Variants in CSMD3 observed in about 807,000 individuals in gnomAD.
CSMD3 encodes the protein CUB and sushi domain-containing protein 3.
CSMD3 carries 177 observed loss-of-function variants against 435.2 expected under a neutral mutation model. The observed-to-expected ratio is 0.41, with a 90% confidence interval of 0.36 to 0.46. The LOEUF (loss-of-function observed/expected upper bound fraction) is 0.46. Among genes scored for constraint, CSMD3 ranks in the 20% least tolerant of loss-of-function variants. CSMD3 has a pLI of 0.34. For synonymous variants in CSMD3, 1,656 were observed against 1,520.5 expected (o/e 1.09, Z -2.07); for missense variants, 4,265 against 4,504.6 (o/e 0.95, Z 1.52).
At chr8:113,140,155 C>T (rs368447087) in intron 4 of CSMD3, among the ~76,000 whole-genome samples, 216 of 150,526 alleles carry the variant, frequency 1.4e-3, no homozygotes, top group African/African-American at 5.1e-3. Flanking sequence ...GACGCAGAAA[C>T]GGACATTATA....
chr8:112,631,424 G>A (rs949473823), intron 22 of CSMD3, among the ~76,000 whole-genome samples: 5 of 151,916 alleles, frequency 3.3e-5, no homozygotes, highest in East Asian at 3.8e-4. Context: ...ATAAAAAAAC[G>A]ATAGTCTTCT....
At chr8:112,834,010 A>T (rs1339996425) in intron 11 of CSMD3, among the ~76,000 whole-genome samples, 1 of 151,982 alleles carries the variant, frequency 6.6e-6, no homozygotes, top group Non-Finnish European at 1.5e-5. Context: ...ATTGATTGCT[A>T]GTTCTATGCC....
chr8:112,881,856 G>C (rs1424311293), intron 10 of CSMD3, among the ~76,000 whole-genome samples: 1 of 151,900 alleles, frequency 6.6e-6, no homozygotes, highest in African/African-American at 2.4e-5. Context: ...CCTAGGATAT[G>C]AGAAACACTT....
intron 32 of CSMD3, among the ~76,000 whole-genome samples, chr8:112,458,502 C>T (rs1817093618): frequency 6.6e-6 from 1 of 152,060 alleles, no homozygotes; most frequent in Admixed American, 6.6e-5. Flanking sequence ...TAGTACATCA[C>T]ACTACTTCCT....
intron 3 of CSMD3, among the ~76,000 whole-genome samples, chr8:113,255,846 A>T (rs2093375600): frequency 6.6e-6 from 1 of 151,890 alleles, no homozygotes; most frequent in Non-Finnish European, 1.5e-5. Flanking sequence ...ATTAGTTTAT[A>T]AATTAACAGT....
In CSMD3 at chr8:113,371,297, A is replaced by G. The variant is rs1002488101; in HGVS notation, c.179-56504T>C. Reference sequence around the variant, plus strand: ...CATTTATAAGGTAGCTACTTAATAAACTTTAAGTGGAATATTGGGAATATC... The same window carrying G: ...CATTTATAAGGTAGCTACTTAATAAGCTTTAAGTGGAATATTGGGAATATC... On this transcript the variant is annotated intron_variant, in intron 1 of 70. Coordinates refer to ENST00000297405, the MANE Select transcript of CSMD3 (RefSeq NM_198123.2). Among the ~76,000 whole-genome samples the G allele has an allele frequency of 1.1e-4, 17 of 152,084 alleles. No homozygotes were observed. The East Asian group carries it at 3.3e-3, about 29-fold the overall frequency.
chr8:113,075,795 T>G (rs1466950069), intron 5 of CSMD3, among the ~76,000 whole-genome samples: 1 of 151,550 alleles, frequency 6.6e-6, no homozygotes, highest in Non-Finnish European at 1.5e-5. Flanking sequence ...AAATAATAGA[T>G]GAAAAAAAAT....
chr8:113,339,927 G>A lies in CSMD3; in HGVS notation c.179-25134C>T, dbSNP rs981987874. On this transcript the variant is annotated intron_variant, in intron 1 of 70. Transcript: ENST00000297405. Reference sequence around the variant, plus strand: ...TCTGCTATTAGCATAGATTCATTCAGCTATTTGTAAATTAGTGCCTGTACT... The same window carrying A: ...TCTGCTATTAGCATAGATTCATTCAACTATTTGTAAATTAGTGCCTGTACT... Among the ~76,000 whole-genome samples, 11 of 151,972 alleles carry A rather than the reference G, an allele frequency of 7.2e-5. No individual in the cohort carries two copies. In the East Asian group the frequency reaches 2.1e-3, roughly 29 times the overall value.
chr8:113,034,948 A>T (rs2087277280), intron 5 of CSMD3, among the ~76,000 whole-genome samples: 1 of 152,102 alleles, frequency 6.6e-6, no homozygotes, highest in Non-Finnish European at 1.5e-5. Context: ...AGGAATAGAC[A>T]AGTCTACAAC....
chr8:112,579,977 CT>C (rs1436056112), intron 23 of CSMD3, among the ~76,000 whole-genome samples: 26 of 152,080 alleles, frequency 1.7e-4, no homozygotes, highest in Admixed American at 2.6e-4. Flanking sequence ...AAAAGATTGC[CT>C]TGAATTTTGG....
At chr8:112,232,856 G>A (rs1813226153) in intron 68 of CSMD3, among the ~76,000 whole-genome samples, 1 of 152,074 alleles carries the variant, frequency 6.6e-6, no homozygotes, top group Non-Finnish European at 1.5e-5. Flanking sequence ...ACATGCTCTA[G>A]GCAGCAAGTG....
At chr8:112,291,941 A>G (rs929685) in intron 55 of CSMD3, among the ~76,000 whole-genome samples, 101,395 of 151,792 alleles carry the variant, frequency 0.67, 35,628 homozygotes, top group African/African-American at 0.89. Context: ...GTATTGCGCT[A>G]AGTACGAATT....
At chr8:113,425,593 C>T (rs2094631664) in intron 1 of CSMD3, among the ~76,000 whole-genome samples, 1 of 151,246 alleles carries the variant, frequency 6.6e-6, no homozygotes, top group African/African-American at 2.4e-5. Flanking sequence ...TTAATGAAGA[C>T]CCTCAAGCTA....
intron 7 of CSMD3, among the ~76,000 whole-genome samples, chr8:112,971,007 C>T (rs996953688): frequency 4.6e-5 from 7 of 152,132 alleles, no homozygotes; most frequent in African/African-American, 1.7e-4. Flanking sequence ...AGGCGTGGGC[C>T]ACCACGCCTG....
rs779995662 is a variant in CSMD3 at position 113,436,819 on chromosome 8, C to T, written c.36G>A (p.Lys12=). Reference sequence around the variant, plus strand: ...TGCCAGGCTCCCAGGGTTTGGATTCCTTTGCTCGGCTTTCCCCTTTGCGGA... The same window carrying T: ...TGCCAGGCTCCCAGGGTTTGGATTCTTTTGCTCGGCTTTCCCCTTTGCGGA... ...KGIRKGESRA[K]ESKPWEPGKR... Residue 12 remains lysine (K), a synonymous_variant, in exon 1 of 71, where the codon AAG becomes AAA. Coordinates refer to ENST00000297405, the MANE Select transcript of CSMD3 (RefSeq NM_198123.2). 1 of 1,614,042 alleles carries T rather than the reference C, an allele frequency of 6.2e-7. No homozygotes were observed. Among genetic ancestry groups the T allele is most frequent in the Non-Finnish European group, 8.5e-7 (1 of 1,180,040 alleles).
intron 13 of CSMD3, among the ~76,000 whole-genome samples, chr8:112,706,869 T>A (rs1339248946): frequency 2.0e-5 from 3 of 152,086 alleles, no homozygotes; most frequent in Admixed American, 6.6e-5. Flanking sequence ...AATAGAGCAG[T>A]AAAATGGAAG....
chr8:112,719,940 G>A (rs796779818), intron 13 of CSMD3, among the ~76,000 whole-genome samples: 7 of 152,278 alleles, frequency 4.6e-5, no homozygotes, highest in African/African-American at 9.6e-5. Flanking sequence ...TGGATTAGAT[G>A]TAGTCAATTA....
chr8:113,054,553 C>G (rs1236798252), intron 5 of CSMD3, among the ~76,000 whole-genome samples: 1 of 152,146 alleles, frequency 6.6e-6, no homozygotes, highest in Non-Finnish European at 1.5e-5. Flanking sequence ...CTTATCAAGA[C>G]AAATTTCCTA....
chr8:112,752,373 T>A (rs2077589880), intron 13 of CSMD3, among the ~76,000 whole-genome samples: 1 of 152,150 alleles, frequency 6.6e-6, no homozygotes, highest in African/African-American at 2.4e-5. Flanking sequence ...GTACCATCCA[T>A]CTGCTGAACA....
Sources: allele counts gnomAD v4.1 joint callset (sites outside exome capture counted in the v4.1 genomes callset), GRCh38; gene constraint gnomAD v4.1.1; transcripts MANE v1.5; gene names NCBI Gene and HGNC (gene_info 2026-07-23, HGNC 2026-07-21).